COL19A1: variants seen among roughly 807,000 people sequenced by gnomAD.
COL19A1 encodes collagen alpha-1(XIX) chain.
In COL19A1, 159 loss-of-function variants were observed where a neutral mutation model predicts 190.2. The ratio of observed to expected loss-of-function variants is 0.84; its 90% CI spans 0.73 to 0.95. COL19A1 has a LOEUF of 0.95. COL19A1 is among the 40% of genes least tolerant of loss of function. The probability of loss-of-function intolerance (pLI) is 0.00; values close to 1 mark genes in which losing one functional copy is unlikely to be tolerated. For missense variants in COL19A1, 1,418 were observed against 1,431.9 expected, an observed-to-expected ratio of 0.99 and a Z score of 0.16; for synonymous variants, 509 against 458.9, an observed-to-expected ratio of 1.11 and a Z score of -1.39.
intron 17 of COL19A1, among the ~76,000 whole-genome samples, chr6:70,124,884 A>G (rs1785101292): frequency 1.3e-5 from 2 of 152,172 alleles, no homozygotes; most frequent in African/African-American, 2.4e-5. Flanking sequence ...CTTTGGGAGT[A>G]GTTAGAGCCC....
At chr6:70,055,895 TG>T (rs762380388) in intron 14 of COL19A1, among the ~76,000 whole-genome samples, 12 of 152,224 alleles carry the variant, frequency 7.9e-5, no homozygotes, top group South Asian at 2.1e-4. Flanking sequence ...TGTTTCGGTT[TG>T]TTTTTTTTCT....
chr6:69,931,946 G>A (rs1582443662), intron 6 of COL19A1, among the ~76,000 whole-genome samples: 1 of 152,132 alleles, frequency 6.6e-6, no homozygotes, highest in Non-Finnish European at 1.5e-5. Context: ...TATAAGATTA[G>A]AGTTGGGTCT....
chr6:70,185,710 G>T (rs1583117736), intron 46 of COL19A1, among the ~76,000 whole-genome samples: 2 of 152,214 alleles, frequency 1.3e-5, no homozygotes, highest in East Asian at 3.9e-4. Context: ...TTCTAGTAGA[G>T]TCATGCCACT....
At chr6:70,156,472 A>G in intron 33 of COL19A1, 103 bp downstream of exon 33, 3 of 1,018,900 alleles carry the variant, frequency 2.9e-6, no homozygotes, top group Non-Finnish European at 2.9e-6. Flanking sequence ...CATACTATAT[A>G]TATATATGTA....
chr6:70,050,463 A>C (rs552514094), intron 14 of COL19A1, among the ~76,000 whole-genome samples: 4 of 152,160 alleles, frequency 2.6e-5, no homozygotes, highest in African/African-American at 9.6e-5. Flanking sequence ...AACCTTGTCT[A>C]TCTTATTTAC....
At chr6:70,141,995 T>C (rs1583011559) in intron 21 of COL19A1, 28 bp from the exon 22 acceptor site, 1 of 1,612,196 alleles carries the variant, frequency 6.2e-7, no homozygotes, top group East Asian at 2.2e-5. Context: ...AAAGAAACAT[T>C]GATCTTTCCT....
At chr6:70,005,717 C>T (rs1777579353) in intron 11 of COL19A1, among the ~76,000 whole-genome samples, 1 of 152,164 alleles carries the variant, frequency 6.6e-6, no homozygotes, top group Non-Finnish European at 1.5e-5. Context: ...GGGAAACCCA[C>T]TTGTCTGGGC....
intron 4 of COL19A1, among the ~76,000 whole-genome samples, chr6:69,923,411 A>C (rs911349171): frequency 6.6e-6 from 1 of 152,066 alleles, no homozygotes; most frequent in African/African-American, 2.4e-5. Flanking sequence ...CTCCATTTTC[A>C]GGGAATTGCC....
intron 15 of COL19A1, among the ~76,000 whole-genome samples, chr6:70,081,507 C>A (rs1234788179): frequency 6.6e-6 from 1 of 151,744 alleles, no homozygotes; most frequent in Non-Finnish European, 1.5e-5. Flanking sequence ...GAAAAAAAAA[C>A]CTGAAGCAGT....
At chr6:70,076,862 G>C (rs1385917438) in intron 15 of COL19A1, among the ~76,000 whole-genome samples, 1 of 152,168 alleles carries the variant, frequency 6.6e-6, no homozygotes, top group Non-Finnish European at 1.5e-5. Context: ...CCTGCATCAG[G>C]ATCTTTATTC....
intron 9 of COL19A1, among the ~76,000 whole-genome samples, chr6:69,952,937 C>T (rs767106442): frequency 2.6e-5 from 4 of 151,994 alleles, no homozygotes; most frequent in Admixed American, 6.6e-5. Context: ...ATTAATGCTT[C>T]AGAGACTCAG....
chr6:69,983,760 T>C (rs1016055676), intron 11 of COL19A1, among the ~76,000 whole-genome samples: 1 of 152,142 alleles, frequency 6.6e-6, no homozygotes, highest in African/African-American at 2.4e-5. Context: ...ATTATAATGA[T>C]TGATTTTCAA....
intron 11 of COL19A1, among the ~76,000 whole-genome samples, chr6:69,997,594 A>C (rs1488979774): frequency 2.6e-5 from 4 of 152,216 alleles, no homozygotes; most frequent in African/African-American, 9.6e-5. Flanking sequence ...ACAATAATCC[A>C]AATGAAAAAT....
intron 12 of COL19A1, among the ~76,000 whole-genome samples, chr6:70,029,549 CT>C (rs1446954162): frequency 1.5e-4 from 23 of 152,106 alleles, no homozygotes; most frequent in Non-Finnish European, 2.8e-4. Context: ...GTGCTGTGTC[CT>C]TTCTCCCTAG....
intron 1 of COL19A1, chr6:69,867,332 G>A (rs116564277): frequency 0.058 from 8,916 of 153,194 alleles, 863 homozygotes; most frequent in African/African-American, 0.2. Context: ...TTACCCTGCA[G>A]CATGCGCAGC....
intron 2 of COL19A1, among the ~76,000 whole-genome samples, chr6:69,894,084 G>A (rs1047235574): frequency 2.6e-5 from 4 of 151,604 alleles, no homozygotes; most frequent in African/African-American, 4.9e-5. Context: ...CTACCACCTT[G>A]GGCACATGTT....
intron 44 of COL19A1, among the ~76,000 whole-genome samples, chr6:70,181,889 G>C (rs770320363): frequency 6.6e-6 from 1 of 152,096 alleles, no homozygotes; most frequent in Non-Finnish European, 1.5e-5. Context: ...CTCATCAAAA[G>C]GCATGAAGTC....
At chr6:69,987,110 A>C (rs533127307) in intron 11 of COL19A1, among the ~76,000 whole-genome samples, 1 of 152,104 alleles carries the variant, frequency 6.6e-6, no homozygotes, top group South Asian at 2.1e-4. Context: ...TTGTTGTTCA[A>C]AATCAAGAGG....
At chr6:70,081,636 A>T (rs1174136387) in intron 15 of COL19A1, among the ~76,000 whole-genome samples, 1 of 152,202 alleles carries the variant, frequency 6.6e-6, no homozygotes, top group East Asian at 1.9e-4. Flanking sequence ...CATGGCAAAA[A>T]TTGTGAATTT....
Sources: allele counts gnomAD v4.1 joint callset (sites outside exome capture counted in the v4.1 genomes callset), GRCh38; gene constraint gnomAD v4.1.1; transcripts MANE v1.5; gene names NCBI Gene and HGNC (gene_info 2026-07-23, HGNC 2026-07-21).